SLC48A1: variants seen among roughly 807,000 people sequenced by gnomAD.
SLC48A1 encodes the protein solute carrier family 48 member 1, also known as heme transporter HRG1.
In SLC48A1, 6 loss-of-function variants were observed where a neutral mutation model predicts 14.8. The ratio of observed to expected loss-of-function variants is 0.41; its 90% CI spans 0.22 to 0.80. The LOEUF (loss-of-function observed/expected upper bound fraction) is 0.80. SLC48A1 is among the 30% of genes least tolerant of loss of function. SLC48A1 has a pLI of 0.34. For synonymous variants in SLC48A1, 89 were observed against 90.0 expected (o/e 0.99, Z 0.06); for missense variants, 165 against 204.8 (o/e 0.81, Z 1.19).
chr12:47,776,644 G>A (rs1942761209), intron 1 of SLC48A1, among the ~76,000 whole-genome samples: 1 of 152,170 alleles, frequency 6.6e-6, no homozygotes, highest in African/African-American at 2.4e-5. Context: ...GCAAGGTTGA[G>A]GGAAGGTGAG....
Position 47,777,158 on chromosome 12 carries a change from A to G in SLC48A1, c.137-1870A>G, listed in dbSNP as rs780175262. Among the ~76,000 whole-genome samples, 1 of 152,214 alleles carries G rather than the reference A, an allele frequency of 6.6e-6. No homozygotes were observed. The highest frequency in any genetic ancestry group is 1.5e-5 in the Non-Finnish European group (1 of 68,034). On this transcript the variant is annotated intron_variant, in intron 1 of 2. Coordinates refer to ENST00000442218, the MANE Select transcript of SLC48A1 (RefSeq NM_017842.3). This position sits in a 1 kb window ranked among gnomAD's most constrained non-coding sequence, Gnocchi z 4.5. ...TTCTGTGAAAGGTGGCTGGTATAAA[A>G]ATCCAGATCTTGTAGGAGGTAAGAG...
upstream of SLC48A1, chr12:47,771,126 G>T (rs1468220331): frequency 3.4e-6 from 1 of 296,066 alleles, no homozygotes; most frequent in Admixed American, 4.3e-5. Flanking sequence ...CAGGGGTGGG[G>T]CTGGGTTTAT....
rs796398175 is a variant in SLC48A1, at chr12:47,782,367, G to C, written c.*2086G>C. 2.6e-5 allele frequency: 4 copies of C among 152,374 alleles called. No homozygotes were observed. Among genetic ancestry groups the C allele is most frequent in the African/African-American group, 9.6e-5 (4 of 41,564 alleles). The allele number at this position is 152,374 out of a possible 1,614,324, so 9.4% of individuals were successfully genotyped here. On this transcript the variant is annotated 3_prime_UTR_variant, in exon 3 of 3. Coordinates refer to ENST00000442218, the MANE Select transcript of SLC48A1 (RefSeq NM_017842.3). The stretch of plus-strand genomic sequence containing the variant: ...CCAGCTGGGACTTAAACCCAGGTGT[G>C]TCTGAGTCACAACTCTTCGGGGATG...
chr12:47,758,091 G>A (rs745900511), upstream of SLC48A1: 10 of 1,554,204 alleles, frequency 6.4e-6, no homozygotes, highest in South Asian at 1.2e-4. Flanking sequence ...GTGACACGGG[G>A]AGGAAAGTGG....
At chr12:47,761,230 A>C (rs1942373799) in intron 2 of SLC48A1, among the ~76,000 whole-genome samples, 1 of 151,304 alleles carries the variant, frequency 6.6e-6, no homozygotes, top group Non-Finnish European at 1.5e-5. Context: ...GGGAAATCGA[A>C]TATGTTTGTG....
rs1394460789 is a variant in SLC48A1, at chr12:47,781,175, A to G, written c.*894A>G. ...CCCCCCACCCATCTCACTCACACACACAGGCATCCATACACCCCAGAAGAC... is the reference window on the plus strand; with the variant it reads ...CCCCCCACCCATCTCACTCACACACGCAGGCATCCATACACCCCAGAAGAC... On this transcript the variant is annotated 3_prime_UTR_variant, in exon 3 of 3. Transcript: ENST00000442218. The G allele has an allele frequency of 6.4e-6, 2 of 314,448 alleles. No individual in the cohort carries two copies. The highest frequency in any genetic ancestry group is 4.5e-5 in the African/African-American group (2 of 44,784). The allele number at this position is 314,448 out of a possible 1,614,324, so 19.5% of individuals were successfully genotyped here.
chr12:47,782,626 C>T lies in SLC48A1; in HGVS notation c.*2345C>T, dbSNP rs557861097. 6.6e-6 allele frequency: 1 copy of T among 152,420 alleles called. No homozygotes were observed. The highest frequency in any genetic ancestry group is 1.9e-4 in the East Asian group (1 of 5,188). The allele number at this position is 152,420 out of a possible 1,614,324, so 9.4% of individuals were successfully genotyped here. ...CAGACCACCCTGGTCCCTCCTCCGGCAGTGACTCAGACCCACACTGTGCCG... is the reference window on the plus strand; with the variant it reads ...CAGACCACCCTGGTCCCTCCTCCGGTAGTGACTCAGACCCACACTGTGCCG... On this transcript the variant is annotated 3_prime_UTR_variant, in exon 3 of 3. Coordinates refer to ENST00000442218, the MANE Select transcript of SLC48A1 (RefSeq NM_017842.3).
In SLC48A1 at chr12:47,773,311, C is replaced by A; in HGVS notation, c.7C>A (p.Pro3Thr). Residue 3 changes from proline to threonine, a missense_variant, in exon 1 of 3, where the codon CCG (proline) becomes ACG (threonine). Transcript: ENST00000442218. The stretch of plus-strand genomic sequence containing the variant: ...CGCCCGGCGCCGCAGCCCCATGGCC[C>A]CGTCCAGGCTGCAGCTCGGCCTCCG... MA[P>T]SRLQLGLRAA... The A allele has an allele frequency of 6.8e-7, 1 of 1,460,442 alleles. No homozygotes were observed. Among genetic ancestry groups the A allele is most frequent in the Non-Finnish European group, 9.0e-7 (1 of 1,105,050 alleles). The allele number at this position is 1,460,442 out of a possible 1,614,324, so 90.5% of individuals were successfully genotyped here.
At chr12:47,770,978 C>G (rs1312342430), upstream of SLC48A1, 1 of 455,008 alleles carries the variant, frequency 2.2e-6, no homozygotes, top group Non-Finnish European at 4.4e-6. Flanking sequence ...CACTCCGGAC[C>G]ACGGGGCTTG....
At chr12:47,779,858 GC>G (rs1381733251) in intron 2 of SLC48A1, among the ~76,000 whole-genome samples, 3 of 152,368 alleles carry the variant, frequency 2.0e-5, no homozygotes, top group Admixed American at 6.5e-5. Flanking sequence ...AGGGTTGCGT[GC>G]CCCTGATGAT....
At chr12:47,758,694 T>G (rs993620718) in intron 1 of SLC48A1, 152 of 1,435,600 alleles carry the variant, frequency 1.1e-4, no homozygotes, top group Admixed American at 1.4e-4. Context: ...GGCCAGTGCC[T>G]AGCTGGACTG....
chr12:47,770,020 T>C (rs1177354494), upstream of SLC48A1, among the ~76,000 whole-genome samples: 1 of 152,232 alleles, frequency 6.6e-6, no homozygotes, highest in Admixed American at 6.5e-5. Context: ...AATATTTTCT[T>C]CCAGGCAGAA....
intron 1 of SLC48A1, among the ~76,000 whole-genome samples, chr12:47,776,521 G>A (rs1429945900): frequency 6.6e-6 from 1 of 152,226 alleles, no homozygotes; most frequent in Non-Finnish European, 1.5e-5. Flanking sequence ...GGGTAGGGCT[G>A]GTGGAGAGCT....
At chr12:47,773,548 GGA>G in intron 1 of SLC48A1, 108 bp downstream of exon 1, 1 of 1,231,668 alleles carries the variant, frequency 8.1e-7, no homozygotes, top group Non-Finnish European at 1.0e-6. Context: ...CGGAGCGGGT[GGA>G]GTGTTTACTC....
rs578232486 is a variant in SLC48A1 at position 47,782,242 on chromosome 12, T to C, written c.*1961T>C. 2.0e-5 allele frequency: 3 copies of C among 152,398 alleles called. No homozygotes were observed. The highest frequency in any genetic ancestry group is 2.1e-4 in the South Asian group (1 of 4,830). 9.4% of individuals were successfully genotyped at this position (152,398 alleles called of 1,614,324 possible). On this transcript the variant is annotated 3_prime_UTR_variant, in exon 3 of 3. Coordinates refer to ENST00000442218, the MANE Select transcript of SLC48A1 (RefSeq NM_017842.3). ...GGCTCAGTGTATGCTTAATCAGGCA[T>C]GGTGCATCAGAGCGGGAAGGAGCCA...
rs953236824 is a variant in SLC48A1 at position 47,773,304 on chromosome 12, C to T, written c.-1C>T. 1.6e-5 allele frequency: 23 copies of T among 1,454,088 alleles called. No homozygotes were observed. Among genetic ancestry groups the T allele is most frequent in the Non-Finnish European group, 2.1e-5 (23 of 1,101,718 alleles). The allele number at this position is 1,454,088 out of a possible 1,614,324, so 90.1% of individuals were successfully genotyped here. ...CTCGGCCCGCCCGGCGCCGCAGCCC[C>T]ATGGCCCCGTCCAGGCTGCAGCTCG... On this transcript the variant is annotated 5_prime_UTR_variant, in exon 1 of 3. Transcript: ENST00000442218.
Position 47,780,167 on chromosome 12 carries a change from C to A in SLC48A1, c.327C>A (p.Tyr109Ter). ...RHQSLTDPTS[Y>*]YLSSVWSFIS... ...CAGGCCTCACAGACCCCACCAGCTA[C>A]TACCTCTCCAGCGTCTGGAGCTTCA... The change falls in exon 3 of 3, where the codon TAC becomes TAA. Residue 109 changes from tyrosine to a stop codon, truncating the protein, a stop_gained. Transcript: ENST00000442218. LOFTEE classifies it high-confidence loss of function. The A allele has an allele frequency of 6.2e-7, 1 of 1,610,136 alleles. No homozygotes were observed. Among genetic ancestry groups the A allele is most frequent in the Non-Finnish European group, 8.5e-7 (1 of 1,177,766 alleles).
At chr12:47,764,150 GTGTGTGTA>G (rs1942458625) in intron 2 of SLC48A1, among the ~76,000 whole-genome samples, 1 of 152,060 alleles carries the variant, frequency 6.6e-6, no homozygotes, top group African/African-American at 2.4e-5. Flanking sequence ...GAGAGAGCAT[GTGTGTGTA>G]TGTGTGTGTG....
At chr12:47,754,552 C>T (rs1045136391), upstream of SLC48A1, among the ~76,000 whole-genome samples, 3 of 152,270 alleles carry the variant, frequency 2.0e-5, no homozygotes, top group East Asian at 1.9e-4. Context: ...TGCAGTGCTT[C>T]GGTTTCCTCA....
Sources: gnomAD v4.1 joint callset for allele counts (sites outside exome capture counted in the v4.1 genomes callset) on GRCh38, gnomAD v4.1.1 for gene constraint, Gnocchi (gnomAD v3.1) non-coding constraint, MANE v1.5 for transcripts, NCBI Gene and HGNC (gene_info 2026-07-23, HGNC 2026-07-21) for gene names.